Variants in FARP1 observed in about 807,000 individuals in gnomAD.
The protein encoded by FARP1 is FERM, ARH/RhoGEF and pleckstrin domain protein 1.
FARP1 carries 52 observed loss-of-function variants against 128.8 expected under a neutral mutation model. The observed-to-expected ratio is 0.40, with a 90% CI of 0.32 to 0.51. The LOEUF (loss-of-function observed/expected upper bound fraction) is 0.51, where lower values mean the gene tolerates loss of function less well. FARP1 is among the 20% of genes least tolerant of loss of function. The pLI is 0.45. For missense variants in FARP1, 1,333 were observed against 1,367.9 expected (o/e 0.97, Z 0.40); for synonymous variants, 580 against 551.8 (o/e 1.05, Z -0.72).
Position 98,213,418 on chromosome 13 carries a change from G to T in FARP1, c.171+5G>T. 1 of 1,613,138 alleles carries T rather than the reference G, an allele frequency of 6.2e-7. No individual in the cohort carries two copies. The highest frequency in any genetic ancestry group is 8.5e-7 in the Non-Finnish European group (1 of 1,179,782). On this transcript the variant is annotated splice_donor_5th_base_variant and intron_variant, in intron 2 of 26. Transcript: ENST00000319562. ...CAGGAGGCATTTGAAGTTCCAGTAA[G>T]TTGGGGGCTTATCTGTAACCCAGGA...
chr13:98,278,848 C>T (rs925949762), intron 2 of FARP1, among the ~76,000 whole-genome samples: 23 of 147,924 alleles, frequency 1.6e-4, no homozygotes, highest in African/African-American at 5.8e-4. Context: ...TATTTTGAGA[C>T]AGAGTCTCCC....
chr13:98,167,884 C>T (rs1877382080), intron 1 of FARP1, among the ~76,000 whole-genome samples: 1 of 152,112 alleles, frequency 6.6e-6, no homozygotes, highest in Non-Finnish European at 1.5e-5. Flanking sequence ...AGATTTGGTG[C>T]CATGCTGGCC....
At chr13:98,182,232 T>C (rs1878585600) in intron 1 of FARP1, among the ~76,000 whole-genome samples, 1 of 150,272 alleles carries the variant, frequency 6.7e-6, no homozygotes, top group Non-Finnish European at 1.5e-5. Flanking sequence ...CCTTTTAGGA[T>C]GGATTCAGAA....
At chr13:98,363,277 G>A (rs55638145) in intron 3 of FARP1, among the ~76,000 whole-genome samples, 28,904 of 152,102 alleles carry the variant, frequency 0.19, 2,897 homozygotes, top group East Asian at 0.34. Context: ...CATAGATTCT[G>A]CTTGTCTTTC....
intron 2 of FARP1, among the ~76,000 whole-genome samples, chr13:98,285,686 C>T (rs139831115): frequency 0.022 from 3,414 of 152,342 alleles, 60 homozygotes; most frequent in Non-Finnish European, 0.034. Flanking sequence ...AGCATTCAAA[C>T]GACTCTCTTC....
chr13:98,258,974 A>G (rs947895196), intron 2 of FARP1, among the ~76,000 whole-genome samples: 3 of 152,154 alleles, frequency 2.0e-5, no homozygotes, highest in Non-Finnish European at 4.4e-5. Flanking sequence ...TTGGGAGGCC[A>G]AGGCGGGAGG....
chr13:98,379,245 A>G (rs1243439997), intron 6 of FARP1, among the ~76,000 whole-genome samples: 1 of 136,230 alleles, frequency 7.3e-6, no homozygotes, highest in Non-Finnish European at 1.5e-5. Context: ...TAATCTATAT[A>G]TAATCTATAT....
At chr13:98,222,654 G>A in intron 2 of FARP1, among the ~76,000 whole-genome samples, 1 of 151,386 alleles carries the variant, frequency 6.6e-6, no homozygotes, top group Non-Finnish European at 1.5e-5. Flanking sequence ...ACGGAGTCTT[G>A]CTCTGTTGCT....
chr13:98,153,303 T>C (rs542856046), intron 1 of FARP1, among the ~76,000 whole-genome samples: 1 of 55,386 alleles, frequency 1.8e-5, no homozygotes, highest in Admixed American at 3.0e-4. Flanking sequence ...TATAAATATA[T>C]TTATATATAA....
chr13:98,379,103 TAA>T (rs1491180940), intron 6 of FARP1, among the ~76,000 whole-genome samples: 2 of 96,714 alleles, frequency 2.1e-5, no homozygotes, highest in East Asian at 2.6e-4. Context: ...AATATATATA[TAA>T]TATATAATCT....
At chr13:98,212,622 G>A (rs557436199) in intron 1 of FARP1, among the ~76,000 whole-genome samples, 1 of 151,550 alleles carries the variant, frequency 6.6e-6, no homozygotes, top group East Asian at 1.9e-4. Context: ...TAGTTGGGGG[G>A]GTGGGTGGCT....
chr13:98,333,693 T>A (rs900071290), intron 2 of FARP1: 9 of 152,190 alleles, frequency 5.9e-5, no homozygotes, highest in Non-Finnish European at 1.3e-4. Context: ...GGAGACAGTG[T>A]GTCCTCAGGG....
intron 2 of FARP1, chr13:98,333,196 T>C (rs763212568): frequency 6.6e-6 from 1 of 152,210 alleles, no homozygotes; most frequent in Non-Finnish European, 1.5e-5. Context: ...TTGTGTGATA[T>C]TTTATTCTCT....
intron 26 of FARP1, chr13:98,447,108 T>C (rs1165690777): frequency 1.1e-5 from 4 of 348,650 alleles, no homozygotes; most frequent in Non-Finnish European, 2.1e-5. Flanking sequence ...TAAGCCCCAG[T>C]GAGACTGCCT....
intron 2 of FARP1, among the ~76,000 whole-genome samples, chr13:98,277,148 A>ACACACACACACACACACACACAC (rs372627844): frequency 3.6e-5 from 5 of 138,580 alleles, no homozygotes; most frequent in Non-Finnish European, 7.9e-5. Context: ...ACACACACAC[A>ACACACACACACACACACACACAC]CCCCATATGT....
At chr13:98,177,989 T>C (rs1878219501) in intron 1 of FARP1, 1 of 152,214 alleles carries the variant, frequency 6.6e-6, no homozygotes, top group African/African-American at 2.4e-5. Context: ...TTGTGTCTAT[T>C]CTTTTAATAT....
Position 98,439,988 on chromosome 13 carries a change from G to A in FARP1, c.2461G>A (p.Val821Met), listed in dbSNP as rs567233846. ...TGAGGAGAGCGAAGACGAGTGGGGG[G>A]TGCCCCACTGCCTGACCCTCCGGGG... ...TIEESEDEWG[V>M]PHCLTLRGQR... Residue 821 changes from valine to methionine, a missense_variant, in exon 22 of 27, where the codon GTG becomes ATG. Physicochemically the swap from Val to Met is conservative, Grantham distance 21 (BLOSUM62 1). Around this residue, in one of 2 missense-constraint regions of FARP1, gnomAD observed 1,009 missense variants for 969.8 expected, o/e 1.04. Coordinates refer to ENST00000319562, the MANE Select transcript of FARP1 (RefSeq NM_005766.4). 15 of 1,591,976 alleles carry A rather than the reference G, an allele frequency of 9.4e-6. No individual in the cohort carries two copies. In the African/African-American group the frequency reaches 1.1e-4, roughly 11 times the overall value.
At chr13:98,291,285 T>C (rs1885434955) in intron 2 of FARP1, among the ~76,000 whole-genome samples, 1 of 152,198 alleles carries the variant, frequency 6.6e-6, no homozygotes, top group African/African-American at 2.4e-5. Context: ...ATTTGTTTAA[T>C]GGAAGTGGAT....
chr13:98,415,964 G>A (rs1445436861), intron 16 of FARP1, among the ~76,000 whole-genome samples: 1 of 152,276 alleles, frequency 6.6e-6, no homozygotes, highest in Non-Finnish European at 1.5e-5. Flanking sequence ...CTCCCATGCA[G>A]GGTGTTACGC....
Sources: allele counts gnomAD v4.1 joint callset (sites outside exome capture counted in the v4.1 genomes callset), GRCh38; gene constraint gnomAD v4.1.1; regional missense constraint gnomAD v4.1.1; transcripts MANE v1.5; gene names NCBI Gene and HGNC (gene_info 2026-07-23, HGNC 2026-07-21).